The following NAV2 variants were observed in gnomAD, a reference collection of about 807,000 sequenced individuals.
NAV2 encodes neuron navigator 2.
NAV2 carries 54 observed loss-of-function variants against 223.2 expected under a neutral mutation model. The observed-to-expected ratio is 0.24, with a 90% CI of 0.19 to 0.30. The LOEUF is 0.30. NAV2 is among the 10% of genes least tolerant of loss of function. The probability of loss-of-function intolerance (pLI) is 1.00; values close to 1 mark genes in which losing one functional copy is unlikely to be tolerated. For synonymous variants in NAV2, 1,279 were observed against 1,239.3 expected (o/e 1.03, Z -0.67); for missense variants, 2,806 against 3,147.5 (o/e 0.89, Z 2.60).
At chr11:19,527,658 A>T (rs1377443531) in intron 1 of NAV2, among the ~76,000 whole-genome samples, 2 of 121,794 alleles carry the variant, frequency 1.6e-5, no homozygotes, top group African/African-American at 3.2e-5. Context: ...CGCATCCAGC[A>T]CTCTCTTGAA....
chr11:19,971,192 C>T (rs2049208872), intron 10 of NAV2, among the ~76,000 whole-genome samples: 1 of 152,060 alleles, frequency 6.6e-6, no homozygotes, highest in Non-Finnish European at 1.5e-5. Flanking sequence ...TTGAGTAGGA[C>T]ACACTTTTGC....
chr11:19,637,299 T>G (rs922478083), intron 1 of NAV2, among the ~76,000 whole-genome samples: 6 of 152,206 alleles, frequency 3.9e-5, no homozygotes, highest in Non-Finnish European at 8.8e-5. Flanking sequence ...TTCTGCCTGG[T>G]CAGGCCTCTG....
chr11:19,796,955 C>G (rs943201243), intron 1 of NAV2, among the ~76,000 whole-genome samples: 1 of 152,162 alleles, frequency 6.6e-6, no homozygotes, highest in South Asian at 2.1e-4. Context: ...CATCCCCTCC[C>G]ATTTCCATAT....
chr11:19,566,335 C>T lies in NAV2; in HGVS notation c.75+215308C>T, dbSNP rs530973205. Among the ~76,000 whole-genome samples the T allele has an allele frequency of 7.2e-5, 11 of 152,264 alleles. 1 individual carries two copies. The South Asian group carries it at 2.3e-3, about 32-fold the overall frequency. ...TCAAGCAATTCACCCACCTCGGCCT[C>T]CCAAAGTGCTGGGATTACAGGCATG... On this transcript the variant is annotated intron_variant, in intron 1 of 37. Coordinates refer to the NAV2 transcript ENST00000360655.
intron 1 of NAV2, among the ~76,000 whole-genome samples, chr11:19,628,283 T>C (rs1023985): frequency 0.99 from 151,257 of 152,320 alleles, 75,109 homozygotes; most frequent in East Asian, 1. Context: ...TGTTCCTGGG[T>C]GAGGAGCAAG....
chr11:19,897,906 G>GGAAAGA (rs1591132434), intron 6 of NAV2, among the ~76,000 whole-genome samples: 1 of 106,464 alleles, frequency 9.4e-6, no homozygotes, highest in East Asian at 4.7e-4. Context: ...ATATATATAT[G>GGAAAGA]TGAGCAGATT....
chr11:19,382,885 G>A (rs186164259), intron 1 of NAV2, among the ~76,000 whole-genome samples: 3 of 152,260 alleles, frequency 2.0e-5, no homozygotes, highest in Admixed American at 2.0e-4. Flanking sequence ...AAGTTTGAGT[G>A]CTTGATCATT....
chr11:19,949,955 C>G (rs2047249179), intron 10 of NAV2, among the ~76,000 whole-genome samples: 1 of 152,154 alleles, frequency 6.6e-6, no homozygotes. Flanking sequence ...GAGATGATGT[C>G]TAAGGAACCT....
chr11:19,882,916 G>A (rs997559981), intron 5 of NAV2, among the ~76,000 whole-genome samples: 1 of 152,090 alleles, frequency 6.6e-6, no homozygotes, highest in African/African-American at 2.4e-5. Flanking sequence ...CTTTCTAATT[G>A]TATTTCCAAA....
chr11:19,667,313 G>A (rs1487296697), intron 1 of NAV2, among the ~76,000 whole-genome samples: 8 of 152,208 alleles, frequency 5.3e-5, no homozygotes, highest in African/African-American at 1.9e-4. Flanking sequence ...GTAAGGCATG[G>A]TCCTTGACCT....
At position 20,118,363 on chromosome 11, in the gene NAV2, C is replaced by A; in HGVS notation, c.*105C>A. ...TCCTGAGCCAGCCCCCAGCCACAGC[C>A]TTAGAGCTGCGGGAACACCGAGACC... On this transcript the variant is annotated 3_prime_UTR_variant, in exon 38 of 38. Transcript: ENST00000349880. 1 of 1,358,294 alleles carries A rather than the reference C, an allele frequency of 7.4e-7. No individual in the cohort carries two copies. Among genetic ancestry groups the A allele is most frequent in the Non-Finnish European group, 1.0e-6 (1 of 985,154 alleles). 84.1% of individuals were successfully genotyped at this position (1,358,294 alleles called of 1,614,324 possible).
intron 6 of NAV2, among the ~76,000 whole-genome samples, chr11:19,927,265 C>T (rs1043783156): frequency 3.9e-5 from 6 of 152,188 alleles, no homozygotes; most frequent in Non-Finnish European, 8.8e-5. Context: ...AACTGCAAGG[C>T]ACAGCCCACT....
intron 1 of NAV2, among the ~76,000 whole-genome samples, chr11:19,721,546 T>C (rs2050752005): frequency 1.3e-5 from 2 of 152,218 alleles, no homozygotes; most frequent in African/African-American, 4.8e-5. Flanking sequence ...GCCAGGGATC[T>C]TCAAAAATGT....
At chr11:19,488,931 G>T in intron 1 of NAV2, among the ~76,000 whole-genome samples, 1 of 152,134 alleles carries the variant, frequency 6.6e-6, no homozygotes, top group African/African-American at 2.4e-5. Context: ...GCTTTCTTTG[G>T]GGTAAAGCAG....
intron 6 of NAV2, among the ~76,000 whole-genome samples, chr11:19,914,960 C>T (rs1320368136): frequency 2.6e-5 from 4 of 152,226 alleles, no homozygotes; most frequent in Non-Finnish European, 2.9e-5. Flanking sequence ...AGCCATGCCT[C>T]CCTTCTCCTC....
chr11:20,033,044 C>T (rs977286796), intron 11 of NAV2, among the ~76,000 whole-genome samples: 1 of 152,192 alleles, frequency 6.6e-6, no homozygotes, highest in Non-Finnish European at 1.5e-5. Context: ...AGGGAACAGC[C>T]GTTGTTGCTA....
At chr11:20,031,592 G>A (rs920676) in intron 11 of NAV2, among the ~76,000 whole-genome samples, 58,968 of 152,046 alleles carry the variant, frequency 0.39, 12,197 homozygotes, top group African/African-American at 0.53. Flanking sequence ...ATGGCTGGAT[G>A]TGGGCACTCA....
intron 11 of NAV2, among the ~76,000 whole-genome samples, chr11:19,994,438 G>T (rs148095074): frequency 6.6e-6 from 1 of 151,934 alleles, no homozygotes; most frequent in African/African-American, 2.4e-5. Flanking sequence ...TCCCAGCTGC[G>T]CAGCAGGCTG....
intron 1 of NAV2, among the ~76,000 whole-genome samples, chr11:19,568,236 G>A (rs1334990868): frequency 6.6e-6 from 1 of 152,216 alleles, no homozygotes; most frequent in Non-Finnish European, 1.5e-5. Flanking sequence ...AAGCTTAGGA[G>A]GCCACCAGGG....
Sources: gnomAD v4.1 joint callset for allele counts (sites outside exome capture counted in the v4.1 genomes callset) on GRCh38, gnomAD v4.1.1 for gene constraint, MANE v1.5 for transcripts, NCBI Gene and HGNC (gene_info 2026-07-23, HGNC 2026-07-21) for gene names.